HERC1: variants seen among roughly 807,000 people sequenced by gnomAD.
HERC1 encodes probable E3 ubiquitin-protein ligase HERC1.
In HERC1, 160 loss-of-function variants were observed where a neutral mutation model predicts 554.3. The ratio of observed to expected loss-of-function variants is 0.29; its 90% CI spans 0.25 to 0.33. The LOEUF is 0.33. Among genes scored for constraint, HERC1 ranks in the 10% least tolerant of loss-of-function variants. The pLI is 1.00. For missense variants in HERC1, 4,919 were observed against 5,918.5 expected, an observed-to-expected ratio of 0.83 and a Z score of 5.54; for synonymous variants, 2,175 against 2,131.7, an observed-to-expected ratio of 1.02 and a Z score of -0.56.
intron 59 of HERC1, among the ~76,000 whole-genome samples, chr15:63,642,172 G>A (rs1317865134): frequency 1.3e-5 from 2 of 152,072 alleles, no homozygotes; most frequent in Non-Finnish European, 2.9e-5. Flanking sequence ...ATCTTTAAGG[G>A]TATGAAAAAT....
At position 63,734,111 on chromosome 15, in the gene HERC1, G is replaced by A. The variant is rs2074405105; in HGVS notation, c.2646+613C>T. Among the ~76,000 whole-genome samples, 2 of 152,006 alleles carry A rather than the reference G, an allele frequency of 1.3e-5. No individual in the cohort carries two copies. The highest frequency in any genetic ancestry group is 1.3e-4 in the Admixed American group (2 of 15,268). On this transcript the variant is annotated intron_variant, in intron 13 of 77. Transcript: ENST00000443617. The surrounding 1 kb of genome is among the most constrained non-coding windows in gnomAD (Gnocchi z 4.6). ...GAGCTTAGGAGTTCAAGGTTAGAGT[G>A]AGCTATGATTGCACCACCCTACTCC...
At chr15:63,662,380 T>A (rs894045018) in intron 44 of HERC1, among the ~76,000 whole-genome samples, 1 of 152,232 alleles carries the variant, frequency 6.6e-6, no homozygotes, top group African/African-American at 2.4e-5. Flanking sequence ...ATACCTACTT[T>A]ATGAATTTTT....
At chr15:63,696,573 G>A (rs1221970470) in intron 26 of HERC1, among the ~76,000 whole-genome samples, 1 of 152,122 alleles carries the variant, frequency 6.6e-6, no homozygotes, top group Non-Finnish European at 1.5e-5. Flanking sequence ...AGTAGCTTTG[G>A]ATGTAGGAGA....
chr15:63,764,226 A>G (rs773031015), intron 2 of HERC1, 35 bp from the exon 3 acceptor site: 3 of 1,434,246 alleles, frequency 2.1e-6, no homozygotes, highest in South Asian at 2.4e-5. Context: ...CAGCGTAGGA[A>G]GGGGAGAGAC....
chr15:63,634,791 G>A lies in HERC1; in HGVS notation c.12512C>T (p.Thr4171Ile), dbSNP rs1453216245. 2 of 1,613,140 alleles carry A rather than the reference G, an allele frequency of 1.2e-6. No homozygotes were observed. Among genetic ancestry groups the A allele is most frequent in the Admixed American group, 1.7e-5 (1 of 59,954 alleles). ...TCTCTCTGGAAGTTTTTTGTTAGAG[G>A]TATTTCCAAGACCCAGACGACCATA... is the stretch of plus-strand genomic sequence containing the variant. The part of the protein sequence containing the change: ...GDYGRLGLGN[T>I]SNKKLPERVT... Residue 4171 changes from threonine to isoleucine, a missense_variant, in exon 66 of 78, where the codon ACC becomes ATC. This residue lies in a region of HERC1 where 410 missense variants were observed against 467.0 expected (regional missense o/e 0.88). Coordinates refer to ENST00000443617, the MANE Select transcript of HERC1 (RefSeq NM_003922.4).
chr15:63,707,033 A>C (rs774861962), intron 24 of HERC1, among the ~76,000 whole-genome samples: 1 of 152,232 alleles, frequency 6.6e-6, no homozygotes, highest in African/African-American at 2.4e-5. Flanking sequence ...TATAACTCTG[A>C]AACACTAACT....
At chr15:63,707,788 G>C (rs1289789093) in intron 24 of HERC1, among the ~76,000 whole-genome samples, 1 of 151,888 alleles carries the variant, frequency 6.6e-6, no homozygotes. Flanking sequence ...AGTTAGCTGG[G>C]TGTGGTAGCA....
intron 50 of HERC1, among the ~76,000 whole-genome samples, chr15:63,654,682 C>T (rs1428854907): frequency 1.3e-5 from 2 of 148,844 alleles, no homozygotes; most frequent in Non-Finnish European, 3.0e-5. Flanking sequence ...GTGAAACCCC[C>T]ATCTCTACTG....
At chr15:63,825,115 T>C (rs2077848315) in intron 1 of HERC1, among the ~76,000 whole-genome samples, 2 of 152,118 alleles carry the variant, frequency 1.3e-5, no homozygotes, top group South Asian at 4.1e-4. Flanking sequence ...TCGAGAGCAG[T>C]CTGGCCAACT....
intron 38 of HERC1, among the ~76,000 whole-genome samples, chr15:63,674,139 T>C (rs916156125): frequency 7.3e-5 from 11 of 151,274 alleles, no homozygotes; most frequent in African/African-American, 2.4e-4. Context: ...AGGTTTAAAA[T>C]AGCAAAATTA....
intron 3 of HERC1, among the ~76,000 whole-genome samples, chr15:63,762,841 G>A (rs1255614971): frequency 6.6e-6 from 1 of 152,178 alleles, no homozygotes; most frequent in Non-Finnish European, 1.5e-5. Context: ...GTGTTGCGAG[G>A]GAAACTGAGG....
intron 54 of HERC1, among the ~76,000 whole-genome samples, chr15:63,648,483 C>T (rs1170862587): frequency 1.3e-5 from 2 of 152,178 alleles, no homozygotes; most frequent in Non-Finnish European, 2.9e-5. Context: ...AATTCCTTTG[C>T]TGATTGTAAG....
At position 63,716,358 on chromosome 15, in the gene HERC1, T is replaced by C. The variant is rs1294558154; in HGVS notation, c.4094A>G (p.His1365Arg). The C allele has an allele frequency of 1.2e-6, 2 of 1,613,916 alleles. No individual in the cohort carries two copies. The highest frequency in any genetic ancestry group is 1.6e-4 in the Middle Eastern group (1 of 6,062). The change falls in exon 22 of 78, where the codon CAT becomes CGT. Residue 1365 changes from histidine (H) to arginine (R), a missense_variant. By Grantham distance (29) the His-to-Arg change is conservative. Transcript: ENST00000443617. ...EQAERDREEG[H>R]PEPEDEEEER... ...CTCCTCTTCATCCTCTGGCTCCGGA[T>C]GCCCCTCTTCCCGGTCTCTCTCAGC...
Position 63,634,838 on chromosome 15 carries a change from C to T in HERC1, c.12465G>A (p.Leu4155=). The change falls in exon 66 of 78, where the codon CTG becomes CTA. Residue 4155 remains leucine (L), a synonymous_variant. Transcript: ENST00000443617. ...CATAGTCACCATTCCCAAAGGTGAA[C>T]AGTTTGCCATCTGAAGTGACCACTG... ...HSAVVTSDGK[L]FTFGNGDYGR... 1.2e-6 allele frequency: 2 copies of T among 1,613,428 alleles called. No individual in the cohort carries two copies. The highest frequency in any genetic ancestry group is 8.5e-7 in the Non-Finnish European group (1 of 1,179,504).
intron 1 of HERC1, among the ~76,000 whole-genome samples, chr15:63,829,472 T>TTTTA (rs1555455567): frequency 3.5e-4 from 10 of 28,452 alleles, no homozygotes; most frequent in Admixed American, 2.8e-3. Context: ...ACATATATGT[T>TTTTA]TATATAAATA....
At chr15:63,755,185 T>C in intron 6 of HERC1, 44 bp downstream of exon 6, 1 of 1,330,774 alleles carries the variant, frequency 7.5e-7, no homozygotes, top group Non-Finnish European at 1.1e-6. Context: ...CTTAATCATT[T>C]CTAATTTTCT....
At chr15:63,753,670 G>C (rs552520467) in intron 7 of HERC1, among the ~76,000 whole-genome samples, 2 of 152,166 alleles carry the variant, frequency 1.3e-5, no homozygotes, top group East Asian at 3.9e-4. Flanking sequence ...TGAAGACTAT[G>C]GGGAAGTAAG....
chr15:63,696,994 T>C (rs2072455703), intron 26 of HERC1, among the ~76,000 whole-genome samples: 1 of 151,934 alleles, frequency 6.6e-6, no homozygotes, highest in Non-Finnish European at 1.5e-5. Context: ...GTTGTAAAGA[T>C]GGTACAGAGA....
chr15:63,725,572 T>C lies in HERC1; in HGVS notation c.3347-59A>G, dbSNP rs547421215. 27 of 1,373,130 alleles carry C rather than the reference T, an allele frequency of 2.0e-5. No homozygotes were observed. In the African/African-American group the frequency reaches 3.7e-4, roughly 19 times the overall value. The allele number at this position is 1,373,130 out of a possible 1,614,324, so 85.1% of individuals were successfully genotyped here. On this transcript the variant is annotated intron_variant, in intron 17 of 77. Transcript: ENST00000443617. The stretch of plus-strand genomic sequence containing the variant: ...TCTGGTACTTTTAAGATTCAAAATA[T>C]TTCTCATAGTCTCCTACCGTACTGC...
Sources: gnomAD v4.1 joint callset for allele counts (sites outside exome capture counted in the v4.1 genomes callset) on GRCh38, gnomAD v4.1.1 for gene constraint, gnomAD v4.1.1 regional missense constraint, Gnocchi (gnomAD v3.1) non-coding constraint, MANE v1.5 for transcripts, NCBI Gene and HGNC (gene_info 2026-07-23, HGNC 2026-07-21) for gene names.